The following GPR89A variants were observed in gnomAD, a reference collection of about 807,000 sequenced individuals.
The protein encoded by GPR89A is golgi pH regulator A.
Under a neutral mutation model 52.0 loss-of-function variants are expected in GPR89A, and 16 were observed. The observed-to-expected ratio is 0.31, with a 90% CI of 0.21 to 0.47. GPR89A has a LOEUF of 0.47. GPR89A is among the 20% of genes least tolerant of loss of function. The pLI is 1.00. For missense variants in GPR89A, 135 were observed against 449.4 expected, an observed-to-expected ratio of 0.30 and a Z score of 6.33; for synonymous variants, 55 against 150.9, an observed-to-expected ratio of 0.36 and a Z score of 4.66.
intron 12 of GPR89A, 70 bp from the exon 13 acceptor site, chr1:145,669,555 A>G (rs1198753097): frequency 4.9e-5 from 75 of 1,527,686 alleles, no homozygotes; most frequent in Non-Finnish European, 6.6e-5. Context: ...AATGTTAACC[A>G]TATTTCTTAC....
rs1649242787 is a variant in GPR89A at position 145,623,025 on chromosome 1, C to A, written c.207-29C>A. 3 of 1,599,006 alleles carry A rather than the reference C, an allele frequency of 1.9e-6. No homozygotes were observed. In the East Asian group the frequency reaches 6.7e-5, roughly 36 times the overall value. ...AGAAAGTTGCTGCCCTCTCTTCCTC[C>A]CAGTGACAGTCTTTGACATTTATTT... On this transcript the variant is annotated intron_variant, in intron 3 of 13. Coordinates refer to ENST00000313835, the MANE Select transcript of GPR89A (RefSeq NM_001097612.2).
intron 5 of GPR89A, among the ~76,000 whole-genome samples, chr1:145,628,499 C>G (rs1553689315): frequency 6.6e-6 from 1 of 151,868 alleles, no homozygotes; most frequent in African/African-American, 2.4e-5. Flanking sequence ...GACTCTGGAG[C>G]TAGACTGCAC....
intron 10 of GPR89A, among the ~76,000 whole-genome samples, chr1:145,658,857 G>C (rs587754480): frequency 6.6e-6 from 1 of 151,722 alleles, no homozygotes; most frequent in African/African-American, 2.4e-5. Context: ...AGCTCACTTC[G>C]ATCTCTGCCT....
At chr1:145,652,995 G>A (rs1553693830) in intron 10 of GPR89A, among the ~76,000 whole-genome samples, 1 of 119,084 alleles carries the variant, frequency 8.4e-6, no homozygotes, top group Non-Finnish European at 1.6e-5. Flanking sequence ...CTGTGACCTT[G>A]GTTATTTCTT....
At chr1:145,637,361 A>G (rs1650317991) in intron 7 of GPR89A, among the ~76,000 whole-genome samples, 1 of 148,404 alleles carries the variant, frequency 6.7e-6, no homozygotes, top group Non-Finnish European at 1.5e-5. Flanking sequence ...TACCCTACAC[A>G]AGCTCAAGCT....
intron 1 of GPR89A, among the ~76,000 whole-genome samples, chr1:145,609,840 G>C (rs1648125541): frequency 6.6e-6 from 1 of 152,166 alleles, no homozygotes; most frequent in African/African-American, 2.4e-5. Flanking sequence ...CCTTTGCATG[G>C]AATGTTCTCT....
chr1:145,655,263 T>C (rs1475965222), intron 10 of GPR89A, among the ~76,000 whole-genome samples: 1 of 152,192 alleles, frequency 6.6e-6, no homozygotes, highest in Non-Finnish European at 1.5e-5. Context: ...TCAGCAATGT[T>C]TGTTACTGCC....
At chr1:145,620,802 G>A (rs1296900242) in intron 3 of GPR89A, among the ~76,000 whole-genome samples, 2 of 152,110 alleles carry the variant, frequency 1.3e-5, no homozygotes, top group Non-Finnish European at 2.9e-5. Context: ...TAATCTTGTT[G>A]GGATGCTTAG....
chr1:145,659,736 G>A (rs1221630135), intron 10 of GPR89A, among the ~76,000 whole-genome samples: 3 of 131,264 alleles, frequency 2.3e-5, no homozygotes, highest in East Asian at 2.1e-4. Flanking sequence ...TTTTGGCTTA[G>A]GATTGACTTG....
chr1:145,646,612 G>C, intron 9 of GPR89A: 1 of 316,170 alleles, frequency 3.2e-6, no homozygotes, highest in Non-Finnish European at 5.8e-6. Context: ...TATAAGAGCA[G>C]TAGACACCTA....
At chr1:145,615,177 GC>G (rs1162679261) in intron 1 of GPR89A, among the ~76,000 whole-genome samples, 1 of 152,098 alleles carries the variant, frequency 6.6e-6, no homozygotes, top group Non-Finnish European at 1.5e-5. Context: ...CAATCTCTCG[GC>G]TTTACATTGA....
chr1:145,669,434 A>ATG (rs1652810119), intron 12 of GPR89A, among the ~76,000 whole-genome samples, 191 bp from the exon 13 acceptor site: 5 of 147,236 alleles, frequency 3.4e-5, no homozygotes, highest in Non-Finnish European at 7.5e-5. Context: ...AATTACCCCC[A>ATG]GGGGGAAAGT....
chr1:145,645,743 G>C, intron 8 of GPR89A: 2 of 454,890 alleles, frequency 4.4e-6, no homozygotes, highest in Non-Finnish European at 8.8e-6. Context: ...AAAGAAAGAA[G>C]GTAATGTCTG....
At chr1:145,625,095 C>T (rs1292555400) in intron 5 of GPR89A, among the ~76,000 whole-genome samples, 1 of 115,342 alleles carries the variant, frequency 8.7e-6, no homozygotes, top group Non-Finnish European at 2.2e-5. Flanking sequence ...TTATGAGACT[C>T]TCCTGCAGTA....
intron 8 of GPR89A, 125 bp from the exon 9 acceptor site, chr1:145,646,059 A>C: frequency 1.4e-6 from 2 of 1,460,154 alleles, no homozygotes; most frequent in Non-Finnish European, 1.9e-6. Context: ...TGGCTATGAA[A>C]CAGGAAATTG....
intron 7 of GPR89A, among the ~76,000 whole-genome samples, chr1:145,639,624 G>T (rs1275617419): frequency 1.3e-5 from 2 of 151,624 alleles, no homozygotes; most frequent in African/African-American, 4.8e-5. Flanking sequence ...GCATGCGCCT[G>T]TAGTCCCAGC....
At chr1:145,640,145 G>A (rs1158853436) in intron 7 of GPR89A, among the ~76,000 whole-genome samples, 1 of 149,704 alleles carries the variant, frequency 6.7e-6, no homozygotes, top group Non-Finnish European at 1.5e-5. Context: ...CTGAACCCAG[G>A]AGGTGGAGGT....
At chr1:145,610,902 A>G (rs587772210) in intron 1 of GPR89A, among the ~76,000 whole-genome samples, 27 of 152,228 alleles carry the variant, frequency 1.8e-4, no homozygotes, top group Middle Eastern at 3.4e-3. Flanking sequence ...TTTAAAAGCA[A>G]CTGTTAACTA....
At chr1:145,663,485 A>G in intron 11 of GPR89A, 61 bp downstream of exon 11, 6 of 1,603,020 alleles carry the variant, frequency 3.7e-6, no homozygotes, top group South Asian at 3.3e-5. Context: ...ATAACTTACC[A>G]TTGTTAAGAT....
Sources: gnomAD v4.1 joint callset for allele counts (sites outside exome capture counted in the v4.1 genomes callset) on GRCh38, gnomAD v4.1.1 for gene constraint, MANE v1.5 for transcripts, NCBI Gene and HGNC (gene_info 2026-07-23, HGNC 2026-07-21) for gene names.